The following CHKB variants were observed in gnomAD, a reference collection of about 807,000 sequenced individuals.
CHKB encodes the protein choline/ethanolamine kinase.
A neutral mutation model predicts 57.3 loss-of-function variants in CHKB; 45 were observed. That is an observed-to-expected ratio of 0.79 (90% CI 0.62 to 1.01). The LOEUF is 1.01. CHKB is among the 50% of genes least tolerant of loss of function. The probability of loss-of-function intolerance (pLI) is 0.00; values close to 1 mark genes in which losing one functional copy is unlikely to be tolerated. For synonymous variants in CHKB, 224 were observed against 201.8 expected, an observed-to-expected ratio of 1.11 and a Z score of -0.93; for missense variants, 517 against 502.8, an observed-to-expected ratio of 1.03 and a Z score of -0.27.
chr22:50,582,417 CCCCCT>C (rs1569054644), intron 1 of CHKB, 60 bp from the exon 2 acceptor site: 1 of 1,484,992 alleles, frequency 6.7e-7, no homozygotes, highest in Admixed American at 2.2e-5. Flanking sequence ...GCGGCCCCGG[CCCCCT>C]CCCGGCCAGG....
At chr22:50,582,532 G>A (rs767762723) in intron 1 of CHKB, 26 bp downstream of exon 1, 1 of 1,592,316 alleles carries the variant, frequency 6.3e-7, no homozygotes, top group Non-Finnish European at 8.5e-7. Context: ...TCCGCGCACC[G>A]GAGAGGCTGA....
At chr22:50,582,537 G>C in intron 1 of CHKB, 21 bp downstream of exon 1, 1 of 1,598,216 alleles carries the variant, frequency 6.3e-7, no homozygotes, top group Non-Finnish European at 8.5e-7. Context: ...GCACCGGAGA[G>C]GCTGACCCCT....
In CHKB at chr22:50,580,232, C is replaced by T. The variant is rs770978511; in HGVS notation, c.776G>A (p.Ser259Asn). 2 of 1,613,978 alleles carry T rather than the reference C, an allele frequency of 1.2e-6. No individual in the cohort carries two copies. Among genetic ancestry groups the T allele is most frequent in the Non-Finnish European group, 1.7e-6 (2 of 1,179,992 alleles). ...LLLSEPENAD[S>N]LMLVDFEYSS... ...GTACTCGAAGTCCACCAGCATGAGG[C>T]TGTCAGCATTTTCTGGCTCTGAGAG... Residue 259 changes from serine (S) to asparagine (N), a missense_variant, in exon 7 of 11, where the codon AGC (serine) becomes AAC (asparagine). By Grantham distance (46) the Ser-to-Asn change is conservative (BLOSUM62 1). Coordinates refer to ENST00000406938, the MANE Select transcript of CHKB (RefSeq NM_005198.5).
intron 2 of CHKB, 41 bp from the exon 3 acceptor site, chr22:50,581,903 C>A: frequency 6.5e-7 from 1 of 1,544,104 alleles, no homozygotes; most frequent in Non-Finnish European, 9.0e-7. Context: ...GGCAAAGTGG[C>A]ACAGGGACAC....
intron 6 of CHKB, 29 bp downstream of exon 6, chr22:50,580,329 G>C: frequency 6.2e-7 from 1 of 1,613,916 alleles, no homozygotes; most frequent in African/African-American, 1.3e-5. Context: ...TTCCATCTTG[G>C]GTTAGGAGAC....
In CHKB at chr22:50,582,357, G is replaced by A. The variant is rs746545584; in HGVS notation, c.225C>T (p.Ser75=). The A allele has an allele frequency of 1.9e-6, 3 of 1,554,382 alleles. No homozygotes were observed. The highest frequency in any genetic ancestry group is 2.6e-6 in the Non-Finnish European group (3 of 1,151,648). Residue 75 remains serine, a splice_region_variant and synonymous_variant, in exon 2 of 11, where the codon AGC becomes AGT. Transcript: ENST00000406938. ...QPEELRVYPV[S]GGLSNLLFRC... ...GGAAGAGCAGGTTGCTGAGGCCTCC[G>A]CTGCAGACCCACACCAGGCGCGCTC...
chr22:50,579,506 A>G lies in CHKB; in HGVS notation c.1033T>C (p.Tyr345His). ...CAGAAGAAATGGGATGCCAGAGCAT[A>G]CCTGGGGGGAGGGCAGGAAAAGGAG... is the stretch of plus-strand genomic sequence containing the variant. ...EEDLLVEVSRYALASHFFWGL... is the reference protein window; with the variant it reads ...EEDLLVEVSRHALASHFFWGL... Residue 345 changes from tyrosine (Y) to histidine (H), a missense_variant and splice_region_variant, in exon 10 of 11, where the codon TAT (tyrosine) becomes CAT (histidine). Transcript: ENST00000406938. 1 of 1,613,240 alleles carries G rather than the reference A, an allele frequency of 6.2e-7. No individual in the cohort carries two copies. The highest frequency in any genetic ancestry group is 8.5e-7 in the Non-Finnish European group (1 of 1,179,882).
At chr22:50,582,066 G>A (rs1187636110) in intron 2 of CHKB, 183 bp downstream of exon 2, 4 of 773,302 alleles carry the variant, frequency 5.2e-6, no homozygotes, top group East Asian at 2.7e-5. Flanking sequence ...CTGTGCTCAA[G>A]TGATCCTCTC....
rs371067691 is a variant in CHKB at position 50,581,744 on chromosome 22, C to T, written c.447+5G>A. 8.1e-6 allele frequency: 13 copies of T among 1,612,672 alleles called. No homozygotes were observed. Among genetic ancestry groups the T allele is most frequent in the South Asian group, 2.2e-5 (2 of 91,044 alleles). ...GGGGAGGAGAGGGTAGGACTGGGCCCGTACTGGGATGTACTGTTCCAGCCG... is the reference window on the plus strand; with the variant it reads ...GGGGAGGAGAGGGTAGGACTGGGCCTGTACTGGGATGTACTGTTCCAGCCG... On this transcript the variant is annotated splice_donor_5th_base_variant and intron_variant, in intron 3 of 10. Coordinates refer to ENST00000406938, the MANE Select transcript of CHKB (RefSeq NM_005198.5).
In CHKB at chr22:50,582,367, C is replaced by A; in HGVS notation, c.225-10G>T. 1 of 1,545,948 alleles carries A rather than the reference C, an allele frequency of 6.5e-7. No homozygotes were observed. On this transcript the variant is annotated splice_polypyrimidine_tract_variant and intron_variant, in intron 1 of 10. Transcript: ENST00000406938. ...GTTGCTGAGGCCTCCGCTGCAGACC[C>A]ACACCAGGCGCGCTCAGCCCGCGGC...
rs1416962961 is a variant in CHKB at position 50,578,975 on chromosome 22, G to A, written c.*206C>T. 4 of 620,838 alleles carry A rather than the reference G, an allele frequency of 6.4e-6. No homozygotes were observed. The African/African-American group carries it at 7.3e-5, about 11-fold the overall frequency. The allele number at this position is 620,838 out of a possible 1,614,324, so 38.5% of individuals were successfully genotyped here. On this transcript the variant is annotated 3_prime_UTR_variant, in exon 11 of 11. Transcript: ENST00000406938. ...GGCCAGGACAGGGTGGGAAGAAGAA[G>A]CTTGTTTATTGTGTTACATACACAG... is the stretch of plus-strand genomic sequence containing the variant.
Position 50,582,834 on chromosome 22 carries a change from G to T in CHKB, c.-53C>A, listed in dbSNP as rs1049554423. ...AGGCTGCGCTCCGCTCCCTTCGGAC[G>T]GGCTCGGTTCCTTCCGGCCGCGCTC... On this transcript the variant is annotated 5_prime_UTR_variant, in exon 1 of 11. Coordinates refer to ENST00000406938, the MANE Select transcript of CHKB (RefSeq NM_005198.5). 2.7e-6 allele frequency: 4 copies of T among 1,485,904 alleles called. No individual in the cohort carries two copies. Among genetic ancestry groups the T allele is most frequent in the South Asian group, 1.3e-5 (1 of 79,956 alleles). 92.0% of individuals were successfully genotyped at this position (1,485,904 alleles called of 1,614,324 possible).
At chr22:50,582,156 G>A in intron 2 of CHKB, 93 bp downstream of exon 2, 1 of 1,165,394 alleles carries the variant, frequency 8.6e-7, no homozygotes, top group Non-Finnish European at 1.2e-6. Context: ...GAACCTCGGT[G>A]TCCTCAACTG....
rs538239713 is a variant in CHKB at position 50,579,340 on chromosome 22, C to T, written c.1114-85G>A. 1.3e-4 allele frequency: 200 copies of T among 1,579,358 alleles called. 1 individual carries two copies. The African/African-American group carries it at 1.9e-3, about 15-fold the overall frequency. On this transcript the variant is annotated intron_variant, in intron 10 of 10. Coordinates refer to ENST00000406938, the MANE Select transcript of CHKB (RefSeq NM_005198.5). ...CCACCTCAGGCTGCCCACAGCCACC[C>T]GGGACTCCCCAGGCCTCCTGGAAGA...
rs1399083094 is a variant in CHKB at position 50,581,443 on chromosome 22, G to C, written c.558C>G (p.His186Gln). The change falls in exon 4 of 11, where the codon CAC becomes CAG. Residue 186 changes from histidine (H) to glutamine (Q), a missense_variant. Coordinates refer to ENST00000406938, the MANE Select transcript of CHKB (RefSeq NM_005198.5). ...GMEMPFTKEP[H>Q]WLFGTMERYL... ...ACCGCTCCATGGTCCCAAACAGCCAGTGGGGCTCCTTGGTGAAAGGCATCT... is the reference window on the plus strand; with the variant it reads ...ACCGCTCCATGGTCCCAAACAGCCACTGGGGCTCCTTGGTGAAAGGCATCT... 4 of 1,613,652 alleles carry C rather than the reference G, an allele frequency of 2.5e-6. No homozygotes were observed. In the South Asian group the frequency reaches 4.4e-5, roughly 18 times the overall value.
intron 2 of CHKB, 124 bp from the exon 3 acceptor site, chr22:50,581,986 G>A (rs890222695): frequency 1.1e-6 from 1 of 900,382 alleles, no homozygotes; most frequent in African/African-American, 1.6e-5. Flanking sequence ...TGGAGCACAG[G>A]CTTTAGCGTT....
intron 4 of CHKB, 108 bp downstream of exon 4, chr22:50,581,312 T>C: frequency 7.1e-7 from 1 of 1,410,076 alleles, no homozygotes; most frequent in Non-Finnish European, 9.8e-7. Flanking sequence ...TGACAGCCCA[T>C]GACATCAGAT....
Position 50,582,303 on chromosome 22 carries a change from G to A in CHKB, c.279C>T (p.Ser93=), listed in dbSNP as rs376846624. The change falls in exon 2 of 11, where the codon AGC becomes AGT. Residue 93 remains serine (S), a synonymous_variant. Transcript: ENST00000406938. ...FRCSLPDHLP[S]VGEEPREVLL... is the part of the protein sequence containing the mutation. Reference sequence around the variant, plus strand: ...GCACCTCCCGGGGCTCCTCGCCAACGCTGGGCAGGTGGTCCGGGAGCGAGC... The same window carrying A: ...GCACCTCCCGGGGCTCCTCGCCAACACTGGGCAGGTGGTCCGGGAGCGAGC... 59 of 1,592,840 alleles carry A rather than the reference G, an allele frequency of 3.7e-5. No homozygotes were observed. Among genetic ancestry groups the A allele is most frequent in the Admixed American group, 3.7e-4 (21 of 57,356 alleles).
intron 3 of CHKB, 37 bp downstream of exon 3, chr22:50,581,712 G>A (rs932996910): frequency 4.4e-6 from 7 of 1,594,278 alleles, no homozygotes; most frequent in African/African-American, 1.3e-5. Context: ...GGGGGTGGAG[G>A]TGCCTTGGGG....
Sources: gnomAD v4.1 joint callset for allele counts on GRCh38, gnomAD v4.1.1 for gene constraint, MANE v1.5 for transcripts, NCBI Gene and HGNC (gene_info 2026-07-23, HGNC 2026-07-21) for gene names.